The following ERI2 variants were observed in gnomAD, a reference collection of about 807,000 sequenced individuals.
The protein encoded by ERI2 is ERI1 exoribonuclease family member 2, also known as ERI1 exoribonuclease 2.
Under a neutral mutation model 46.8 loss-of-function variants are expected in ERI2, and 35 were observed. The ratio of observed to expected loss-of-function variants is 0.75; its 90% confidence interval spans 0.57 to 0.99. ERI2 has a LOEUF of 0.99. Ranked by LOEUF, ERI2 falls within the 50% of genes least tolerant of loss-of-function variation. ERI2 has a pLI of 0.00. For synonymous variants in ERI2, 224 were observed against 271.0 expected (o/e 0.83, Z 1.70); for missense variants, 695 against 796.2 (o/e 0.87, Z 1.53).
rs999485988 is a variant in ERI2, at chr16:20,803,373, C to A, written c.175+60G>T. The A allele has an allele frequency of 3.2e-5, 49 of 1,551,268 alleles. No homozygotes were observed. In the African/African-American group the frequency reaches 5.9e-4, roughly 19 times the overall value. Reference sequence around the variant, plus strand: ...TCTTAAACTTTTGGCTGATTCAGATCTATAAACTTTAAAGTGACTCATCTA... The same window carrying A: ...TCTTAAACTTTTGGCTGATTCAGATATATAAACTTTAAAGTGACTCATCTA... On this transcript the variant is annotated intron_variant, in intron 3 of 8. Transcript: ENST00000357967.
chr16:20,796,712 A>G lies in ERI2; in HGVS notation c.*1012T>C. ...ACTGGACTCACAGTAAATACTTAAT[A>G]TCAAGACAACTTTCCTAACAATACC... On this transcript the variant is annotated 3_prime_UTR_variant, in exon 9 of 9. Transcript: ENST00000357967. 2.7e-6 allele frequency: 4 copies of G among 1,485,752 alleles called. No homozygotes were observed. In the South Asian group the frequency reaches 5.6e-5, roughly 21 times the overall value. 92.0% of individuals were successfully genotyped at this position (1,485,752 alleles called of 1,614,324 possible).
chr16:20,794,639 T>C (rs2080680954), downstream of ERI2, among the ~76,000 whole-genome samples: 1 of 152,174 alleles, frequency 6.6e-6, no homozygotes, highest in Admixed American at 6.5e-5. Context: ...GGTTAAAAAA[T>C]AAGACCCAAA....
rs1042580615 is a variant in ERI2 at position 20,799,903 on chromosome 16, A to T, written c.643+54T>A. 7.9e-5 allele frequency: 84 copies of T among 1,061,074 alleles called. No individual in the cohort carries two copies. In the African/African-American group the frequency reaches 1.1e-3, roughly 14 times the overall value. The allele number at this position is 1,061,074 out of a possible 1,614,324, so 65.7% of individuals were successfully genotyped here. On this transcript the variant is annotated intron_variant, in intron 7 of 8. Coordinates refer to ENST00000357967, the MANE Select transcript of ERI2 (RefSeq NM_001142725.2). The stretch of plus-strand genomic sequence containing the variant: ...GACATTACCAAAAAATGAAATTCAT[A>T]TGAAGTATTTTTTAAAAGTCAAATG...
rs1379159946 is a variant in ERI2 at position 20,790,436 on chromosome 16, G to A, written c.815+414C>T. ...TGCACCACTGCACTCCAGCCTGGGT[G>A]ACAAAGTGAGACCTTGTCTCACACA... On this transcript the variant is annotated intron_variant, in intron 9 of 10. Coordinates refer to the ERI2 transcript ENST00000300005. This position sits in a 1 kb window ranked among gnomAD's most constrained non-coding sequence, Gnocchi z 4.0. 5.7e-6 allele frequency: 4 copies of A among 696,006 alleles called. No homozygotes were observed. Among genetic ancestry groups the A allele is most frequent in the South Asian group, 1.9e-5 (1 of 52,282 alleles). The allele number at this position is 696,006 out of a possible 1,614,324, so 43.1% of individuals were successfully genotyped here. A position where few individuals can be genotyped will look rare whatever the true frequency, so the allele number is the denominator to read the frequency against.
chr16:20,780,979 G>A (rs1395112617), intron 10 of ERI2: 1 of 1,613,956 alleles, frequency 6.2e-7, no homozygotes, highest in African/African-American at 1.3e-5. Context: ...CCCAGGTTCT[G>A]GCTAGATTTG....
chr16:20,781,051 G>A, intron 10 of ERI2: 1 of 1,614,210 alleles, frequency 6.2e-7, no homozygotes, highest in Non-Finnish European at 8.5e-7. Context: ...GCATGGAGTA[G>A]TGTTTTTTCT....
At position 20,796,521 on chromosome 16, in the gene ERI2, C is replaced by T; in HGVS notation, c.*1203G>A. The T allele has an allele frequency of 1.2e-6, 2 of 1,608,504 alleles. No homozygotes were observed. Among genetic ancestry groups the T allele is most frequent in the Non-Finnish European group, 1.7e-6 (2 of 1,179,030 alleles). ...ATCCTAATTATAACGAATATTTGCT[C>T]AGTGTTGTGGACAATTTCAAGTGTT... On this transcript the variant is annotated 3_prime_UTR_variant, in exon 9 of 9. Transcript: ENST00000357967.
chr16:20,799,975 A>G lies in ERI2; in HGVS notation c.625T>C (p.Ser209Pro). 6.2e-7 allele frequency: 1 copy of G among 1,603,234 alleles called. No individual in the cohort carries two copies. Among genetic ancestry groups the G allele is most frequent in the Non-Finnish European group, 8.5e-7 (1 of 1,172,192 alleles). The stretch of plus-strand genomic sequence containing the variant: ...TACTAACCAGAATGTTCTCGTCCTG[A>G]GAATTCTATTCCTACTTCCTGCAAG... ...GALQEVGIEF[S>P]GREHSGLDDS... is the part of the protein sequence containing the mutation. Residue 209 changes from serine to proline, a missense_variant, in exon 7 of 9, where the codon TCA becomes CCA. Ser to Pro is a moderately conservative substitution (Grantham distance 74). Transcript: ENST00000357967.
At position 20,799,263 on chromosome 16, in the gene ERI2, C is replaced by T; in HGVS notation, c.732G>A (p.Lys244=). The change falls in exon 8 of 9, where the codon AAG becomes AAA. Residue 244 remains lysine (K), a splice_region_variant and synonymous_variant. Coordinates refer to ENST00000357967, the MANE Select transcript of ERI2 (RefSeq NM_001142725.2). ...AATAAAAAGGCAAGACACTACTAAC[C>T]TTGTTCAACGACCTTGTAATTTTCA... ...CVMKITRSLN[K]VPTKKNFSIL... The T allele has an allele frequency of 1.9e-6, 3 of 1,613,372 alleles. No individual in the cohort carries two copies. The highest frequency in any genetic ancestry group is 2.5e-6 in the Non-Finnish European group (3 of 1,179,620).
rs2080818791 is a variant in ERI2 at position 20,803,610 on chromosome 16, G to A, written c.84C>T (p.Ser28=). Residue 28 remains serine, a synonymous_variant, in exon 2 of 9, where the codon AGC becomes AGT. Coordinates refer to ENST00000357967, the MANE Select transcript of ERI2 (RefSeq NM_001142725.2). The part of the protein sequence containing the change: ...IAPANGNLGR[S]KSKQLFDYLI... Reference sequence around the variant, plus strand: ...ACTAAGCATACTACTCACTGGATTTGCTTCTTCCGAGATTTCCATTTGCTG... The same window carrying A: ...ACTAAGCATACTACTCACTGGATTTACTTCTTCCGAGATTTCCATTTGCTG... 3 of 1,614,142 alleles carry A rather than the reference G, an allele frequency of 1.9e-6. No homozygotes were observed. In the African/African-American group the frequency reaches 4.0e-5, roughly 22 times the overall value.
chr16:20,781,031 G>C (rs1488238314), intron 10 of ERI2: 4 of 1,614,036 alleles, frequency 2.5e-6, no homozygotes, highest in Non-Finnish European at 2.5e-6. Context: ...ATACGGGCTG[G>C]GCAAAGTCTG....
At position 20,799,974 on chromosome 16, in the gene ERI2, G is replaced by A. The variant is rs1285724779; in HGVS notation, c.626C>T (p.Ser209Leu). The A allele has an allele frequency of 1.2e-6, 2 of 1,601,926 alleles. No homozygotes were observed. The highest frequency in any genetic ancestry group is 3.4e-5 in the Admixed American group (2 of 59,330). Residue 209 changes from serine (S) to leucine (L), a missense_variant, in exon 7 of 9, where the codon TCA becomes TTA. Transcript: ENST00000357967. ...GALQEVGIEF[S>L]GREHSGLDDS... The stretch of plus-strand genomic sequence containing the variant: ...ATACTAACCAGAATGTTCTCGTCCT[G>A]AGAATTCTATTCCTACTTCCTGCAA...
intron 1 of ERI2, among the ~76,000 whole-genome samples, chr16:20,805,419 CA>C (rs55794423): frequency 2.8e-3 from 364 of 131,294 alleles, no homozygotes; most frequent in African/African-American, 8.9e-3. Context: ...AACTCCGTCT[CA>C]AAAAAAAAAA....
intron 10 of ERI2, chr16:20,780,942 A>G (rs1256698871): frequency 1.9e-6 from 3 of 1,613,100 alleles, no homozygotes; most frequent in East Asian, 2.2e-5. Context: ...TTATTTTCCT[A>G]TGTACATCAG....
chr16:20,786,195 C>T, intron 10 of ERI2: 2 of 1,604,194 alleles, frequency 1.2e-6, no homozygotes, highest in Admixed American at 3.4e-5. Context: ...GTTTAACAAC[C>T]CAATCTGTAC....
intron 1 of ERI2, among the ~76,000 whole-genome samples, chr16:20,805,419 CAAAAA>C (rs55794423): frequency 2.3e-5 from 3 of 131,324 alleles, no homozygotes; most frequent in Non-Finnish European, 4.7e-5. Context: ...AACTCCGTCT[CAAAAA>C]AAAAAAAAAA....
rs374654742 is a variant in ERI2, at chr16:20,790,694, T to C, written c.815+156A>G. ...GCCTTTTTACTCATTACGTAGTAAG[T>C]GACTTACTAAATAATCTCATTTTCT... On this transcript the variant is annotated intron_variant, in intron 9 of 10. Coordinates refer to the ERI2 transcript ENST00000300005. The surrounding 1 kb of genome is among the most constrained non-coding windows in gnomAD (Gnocchi z 4.0). The C allele has an allele frequency of 3.1e-6, 5 of 1,614,064 alleles. No individual in the cohort carries two copies. The highest frequency in any genetic ancestry group is 2.2e-5 in the East Asian group (1 of 44,866).
chr16:20,789,527 C>T (rs1416979984), exon 10 of ERI2: 1 of 1,613,710 alleles, frequency 6.2e-7, no homozygotes, highest in East Asian at 2.2e-5. Context: ...TCATATTGGG[C>T]TTCTGAAGTA....
In ERI2 at chr16:20,790,826, A is replaced by C. The variant is rs765652600; in HGVS notation, c.815+24T>G. ...ATTGGTTGTCCTGAATAGTAATCCA[A>C]AAGACAAGAAATTGAAGAAATACCC... On this transcript the variant is annotated intron_variant, in intron 9 of 10. Transcript: ENST00000300005. The surrounding 1 kb of genome is among the most constrained non-coding windows in gnomAD (Gnocchi z 4.0). The C allele has an allele frequency of 6.2e-7, 1 of 1,613,868 alleles. No homozygotes were observed. The highest frequency in any genetic ancestry group is 1.3e-5 in the African/African-American group (1 of 74,922).
Sources: gnomAD v4.1 joint callset for allele counts (sites outside exome capture counted in the v4.1 genomes callset) on GRCh38, gnomAD v4.1.1 for gene constraint, Gnocchi (gnomAD v3.1) non-coding constraint, MANE v1.5 for transcripts, NCBI Gene and HGNC (gene_info 2026-07-23, HGNC 2026-07-21) for gene names.